The following FETUB variants were observed in gnomAD, a reference collection of about 807,000 sequenced individuals.
FETUB encodes fetuin-B.
In FETUB, 28 loss-of-function variants were observed where a neutral mutation model predicts 30.9. That is an observed-to-expected ratio of 0.90 (90% CI 0.67 to 1.24). The LOEUF is 1.24. Ranked by LOEUF, FETUB falls within the 50% of genes most tolerant of loss-of-function variation. The pLI is 0.00. For synonymous variants in FETUB, 186 were observed against 175.9 expected (o/e 1.06, Z -0.45); for missense variants, 469 against 455.3 (o/e 1.03, Z -0.27).
chr3:186,640,414 C>T lies in FETUB; in HGVS notation c.-47C>T. ...AAAGAGCCTTACAAGCCAGCCAGTC[C>T]CTGCAGCTCCACAAACTGACCCATC... is the stretch of plus-strand genomic sequence containing the variant. On this transcript the variant is annotated 5_prime_UTR_variant, in exon 1 of 7. Transcript: ENST00000265029. 3.4e-6 allele frequency: 5 copies of T among 1,478,426 alleles called. No homozygotes were observed. The highest frequency in any genetic ancestry group is 4.7e-6 in the Non-Finnish European group (5 of 1,057,642). The allele number at this position is 1,478,426 out of a possible 1,614,324, so 91.6% of individuals were successfully genotyped here.
At chr3:186,645,809 C>A (rs1005930763) in intron 4 of FETUB, among the ~76,000 whole-genome samples, 1 of 146,958 alleles carries the variant, frequency 6.8e-6, no homozygotes, top group African/African-American at 2.6e-5. Context: ...TCACTGCAAC[C>A]TCCAACTCCC....
chr3:186,645,831 A>T (rs566228724), intron 4 of FETUB, among the ~76,000 whole-genome samples: 177 of 137,808 alleles, frequency 1.3e-3, no homozygotes, highest in Middle Eastern at 9.6e-3. Flanking sequence ...GGTTCAAGGG[A>T]TTCTCCTGCC....
chr3:186,652,893 T>G lies in FETUB; in HGVS notation c.*262T>G. ...TGAGCAGTCTCATACCATGGAGAGATGCCTCTCTTATGTCTTCAGCCACTC... is the reference window on the plus strand; with the variant it reads ...TGAGCAGTCTCATACCATGGAGAGAGGCCTCTCTTATGTCTTCAGCCACTC... On this transcript the variant is annotated 3_prime_UTR_variant, in exon 7 of 7. Coordinates refer to ENST00000265029, the MANE Select transcript of FETUB (RefSeq NM_014375.3). 2.7e-6 allele frequency: 1 copy of G among 366,290 alleles called. No individual in the cohort carries two copies. 22.7% of individuals were successfully genotyped at this position (366,290 alleles called of 1,614,324 possible).
chr3:186,648,505 C>A (rs1209966740), intron 5 of FETUB, among the ~76,000 whole-genome samples: 1 of 152,124 alleles, frequency 6.6e-6, no homozygotes, highest in Non-Finnish European at 1.5e-5. Flanking sequence ...GATTTTAGGA[C>A]CAGTTTGTCA....
In FETUB at chr3:186,651,314, C is replaced by T. The variant is rs763899038; in HGVS notation, c.780+13C>T. ...CTTTGAATCACAGGTATTTTTCAAT[C>T]TAATTGCCTGTCTTTCTGTGAAGAA... On this transcript the variant is annotated intron_variant, in intron 6 of 6. Coordinates refer to ENST00000265029, the MANE Select transcript of FETUB (RefSeq NM_014375.3). 7.2e-6 allele frequency: 11 copies of T among 1,534,870 alleles called. No individual in the cohort carries two copies. The highest frequency in any genetic ancestry group is 9.9e-6 in the Non-Finnish European group (11 of 1,108,792).
chr3:186,652,424 T>A lies in FETUB; in HGVS notation c.942T>A (p.Asn314Lys). ...VQYLPDLDDK[N>K]SQEKGPQEAF... ...ATCTTCCTGACTTGGATGATAAAAA[T>A]TCCCAGGAAAAGGGCCCTCAGGAGG... is the stretch of plus-strand genomic sequence containing the variant. The change falls in exon 7 of 7, where the codon AAT becomes AAA. Residue 314 changes from asparagine (N) to lysine (K), a missense_variant. Asn to Lys is a moderately conservative substitution (Grantham distance 94). Coordinates refer to ENST00000265029, the MANE Select transcript of FETUB (RefSeq NM_014375.3). 6.2e-7 allele frequency: 1 copy of A among 1,613,732 alleles called. No individual in the cohort carries two copies.
intron 5 of FETUB, among the ~76,000 whole-genome samples, chr3:186,648,134 T>A (rs954689763): frequency 6.6e-6 from 1 of 152,242 alleles, no homozygotes; most frequent in Non-Finnish European, 1.5e-5. Context: ...CCCCTATATG[T>A]AGGCCTATGA....
Position 186,652,732 on chromosome 3 carries a change from G to C in FETUB, c.*101G>C. The C allele has an allele frequency of 1.4e-6, 2 of 1,391,334 alleles. No homozygotes were observed. The highest frequency in any genetic ancestry group is 1.9e-6 in the Non-Finnish European group (2 of 1,044,366). The allele number at this position is 1,391,334 out of a possible 1,614,324, so 86.2% of individuals were successfully genotyped here. On this transcript the variant is annotated 3_prime_UTR_variant, in exon 7 of 7. Transcript: ENST00000265029. ...AGAGCGTGCACACGTAGAGTGGCTA[G>C]TGAAGGACGCCTTTTTGACTCTTCT...
In FETUB at chr3:186,642,464, G is replaced by A. The variant is rs1717144635; in HGVS notation, c.337-7G>A. 2.6e-6 allele frequency: 4 copies of A among 1,551,728 alleles called. No homozygotes were observed. The highest frequency in any genetic ancestry group is 1.2e-5 in the South Asian group (1 of 86,848). On this transcript the variant is annotated splice_region_variant and splice_polypyrimidine_tract_variant and intron_variant, in intron 2 of 6. Transcript: ENST00000265029. ...GCTATGTCATAAAATGCATTTGTTG[G>A]TTTCAGGTTTATGGTCAATGCAAAG...
At chr3:186,640,739 C>A in intron 1 of FETUB, 54 bp downstream of exon 1, 1 of 1,457,310 alleles carries the variant, frequency 6.9e-7, no homozygotes, top group Non-Finnish European at 9.6e-7. Flanking sequence ...GCTGGAGAGA[C>A]TGGCCAGGGT....
At chr3:186,646,845 A>G (rs777656461) in intron 5 of FETUB, among the ~76,000 whole-genome samples, 4 of 152,212 alleles carry the variant, frequency 2.6e-5, no homozygotes, top group Non-Finnish European at 4.4e-5. Context: ...TAACAGCTTT[A>G]TTAAGAAATA....
At position 186,641,012 on chromosome 3, in the gene FETUB, C is replaced by G; in HGVS notation, c.226-18C>G. 6.6e-7 allele frequency: 1 copy of G among 1,524,790 alleles called. No homozygotes were observed. The highest frequency in any genetic ancestry group is 2.3e-5 in the East Asian group (1 of 44,444). The allele number at this position is 1,524,790 out of a possible 1,614,324, so 94.5% of individuals were successfully genotyped here. A position where few individuals can be genotyped will look rare whatever the true frequency, so the allele number is the denominator to read the frequency against. On this transcript the variant is annotated intron_variant, in intron 1 of 6. Coordinates refer to ENST00000265029, the MANE Select transcript of FETUB (RefSeq NM_014375.3). ...ACTTCCTGTGAAATGTATTGCATTT[C>G]TCTACCCCTTCCCACAGGGTGGCCT...
chr3:186,642,439 G>A (rs374982697), intron 2 of FETUB, 32 bp from the exon 3 acceptor site: 67 of 1,213,946 alleles, frequency 5.5e-5, no homozygotes, highest in East Asian at 4.2e-4. Context: ...AGTTGCATTC[G>A]CTATGTCATA....
rs975673169 is a variant in FETUB, at chr3:186,652,502, T to C, written c.1020T>C (p.Asp340=). 2.5e-6 allele frequency: 4 copies of C among 1,614,064 alleles called. No homozygotes were observed. Among genetic ancestry groups the C allele is most frequent in the African/African-American group, 1.3e-5 (1 of 74,922 alleles). ...CGAATCCCCAGGGAGAAACCCTGGATATTTCCTTCCTCTTCCTGGAGCCTA... is the reference window on the plus strand; with the variant it reads ...CGAATCCCCAGGGAGAAACCCTGGACATTTCCTTCCTCTTCCTGGAGCCTA... The part of the protein sequence containing the change: ...LTTNPQGETL[D]ISFLFLEPME... The change falls in exon 7 of 7, where the codon GAT becomes GAC. Residue 340 remains aspartate, a synonymous_variant. Transcript: ENST00000265029.
upstream of FETUB, among the ~76,000 whole-genome samples, chr3:186,639,464 C>T (rs1716880159): frequency 6.6e-6 from 1 of 152,132 alleles, no homozygotes; most frequent in East Asian, 1.9e-4. Context: ...GGTTACTCAC[C>T]TCATGGACTA....
intron 3 of FETUB, among the ~76,000 whole-genome samples, chr3:186,644,089 T>C (rs981686418): frequency 1.3e-5 from 2 of 152,226 alleles, no homozygotes; most frequent in Admixed American, 1.3e-4. Flanking sequence ...TATTAGTATA[T>C]CCATCATCTC....
At chr3:186,642,258 G>A (rs907980019) in intron 2 of FETUB, 34 of 526,238 alleles carry the variant, frequency 6.5e-5, no homozygotes, top group Middle Eastern at 5.1e-4. Flanking sequence ...ACAGTCACAC[G>A]TGTTGGGGAG....
intron 6 of FETUB, chr3:186,651,969 G>A (rs1718078123): frequency 4.6e-6 from 1 of 219,232 alleles, no homozygotes; most frequent in Non-Finnish European, 9.0e-6. Context: ...TTCCACTACT[G>A]GGAACAGAAA....
intron 5 of FETUB, among the ~76,000 whole-genome samples, chr3:186,647,628 G>A (rs1020857619): frequency 2.0e-5 from 3 of 152,072 alleles, no homozygotes; most frequent in Non-Finnish European, 4.4e-5. Context: ...TTATCCATTA[G>A]TATGTTTTCT....
Sources: gnomAD v4.1 joint callset for allele counts (sites outside exome capture counted in the v4.1 genomes callset) on GRCh38, gnomAD v4.1.1 for gene constraint, MANE v1.5 for transcripts, NCBI Gene and HGNC (gene_info 2026-07-23, HGNC 2026-07-21) for gene names.